The following TMOD1 variants were observed in gnomAD, a reference collection of about 807,000 sequenced individuals.
The protein encoded by TMOD1 is tropomodulin 1, also known as tropomodulin-1.
In TMOD1, 17 loss-of-function variants were observed where a neutral mutation model predicts 40.6. That is an observed-to-expected ratio of 0.42 (90% CI 0.29 to 0.63). TMOD1 has a LOEUF of 0.63. Among genes scored for constraint, TMOD1 ranks in the 20% least tolerant of loss-of-function variants. TMOD1 has a pLI of 0.22. For missense variants in TMOD1, 391 were observed against 447.6 expected (o/e 0.87, Z 1.14); for synonymous variants, 181 against 175.0 (o/e 1.03, Z -0.27).
Position 97,503,967 on chromosome 9 carries a change from G to C in TMOD1, c.-49+2164G>C, listed in dbSNP as rs184009604. Among the ~76,000 whole-genome samples, 48 of 152,300 alleles carry C rather than the reference G, an allele frequency of 3.2e-4. 2 individuals are homozygous for C. The East Asian group carries it at 6.4e-3, about 20-fold the overall frequency. On this transcript the variant is annotated intron_variant, in intron 1 of 9. Transcript: ENST00000259365. Reference sequence around the variant, plus strand: ...GAGTGAGAGACAGTGGCTTTCCCAGGTGCCAAGGGAGGACAGAGGTGGGCA... The same window carrying C: ...GAGTGAGAGACAGTGGCTTTCCCAGCTGCCAAGGGAGGACAGAGGTGGGCA...
At position 97,504,979 on chromosome 9, in the gene TMOD1, A is replaced by G. The variant is rs756366050; in HGVS notation, c.-49+3176A>G. 5.9e-5 allele frequency among the ~76,000 whole-genome samples: 9 copies of G among 152,310 alleles called. No homozygotes were observed. In the South Asian group the frequency reaches 1.9e-3, roughly 32 times the overall value. On this transcript the variant is annotated intron_variant, in intron 1 of 9. Transcript: ENST00000259365. Reference sequence around the variant, plus strand: ...AGGCCTGTTTCTATGGAAAAGCATGAACCAGATAGCACAATTCCGGGCCAT... The same window carrying G: ...AGGCCTGTTTCTATGGAAAAGCATGGACCAGATAGCACAATTCCGGGCCAT...
At position 97,523,796 on chromosome 9, in the gene TMOD1, G is replaced by A. The variant is rs562313497; in HGVS notation, c.-48-345G>A. Among the ~76,000 whole-genome samples the A allele has an allele frequency of 2.0e-5, 3 of 152,282 alleles. 1 individual carries two copies. Among genetic ancestry groups the A allele is most frequent in the African/African-American group, 4.8e-5 (2 of 41,546 alleles). On this transcript the variant is annotated intron_variant, in intron 1 of 9. Transcript: ENST00000259365. ...CAGCATTCATGATTCCCTCTGGGGTGTAGGGTGAAGGGTGGAGAGTTACAC... is the reference window on the plus strand; with the variant it reads ...CAGCATTCATGATTCCCTCTGGGGTATAGGGTGAAGGGTGGAGAGTTACAC...
intron 2 of TMOD1, among the ~76,000 whole-genome samples, chr9:97,527,386 C>A (rs1321092175): frequency 6.6e-6 from 1 of 152,210 alleles, no homozygotes; most frequent in Non-Finnish European, 1.5e-5. Context: ...GGTGGGGACA[C>A]AGGCATAATA....
At chr9:97,531,985 T>C (rs1478472792) in intron 2 of TMOD1, among the ~76,000 whole-genome samples, 3 of 152,146 alleles carry the variant, frequency 2.0e-5, no homozygotes, top group Non-Finnish European at 4.4e-5. Flanking sequence ...TCCACATGGC[T>C]TCCCATCAGA....
chr9:97,531,112 G>A (rs1208702315), intron 2 of TMOD1, among the ~76,000 whole-genome samples: 2 of 141,564 alleles, frequency 1.4e-5, no homozygotes, highest in Admixed American at 1.6e-4. Flanking sequence ...CCTCTGCTAA[G>A]GTGTTCTTAC....
intron 3 of TMOD1, 128 bp downstream of exon 3, chr9:97,546,469 C>A (rs1830362267): frequency 6.2e-6 from 6 of 966,408 alleles, no homozygotes; most frequent in Non-Finnish European, 6.0e-6. Context: ...TCATCCCTGC[C>A]TGGCCAAAAC....
intron 6 of TMOD1, among the ~76,000 whole-genome samples, chr9:97,564,771 G>C (rs1270727732): frequency 2.6e-5 from 4 of 152,046 alleles, no homozygotes; most frequent in Non-Finnish European, 4.4e-5. Flanking sequence ...GTCTCACCCT[G>C]AACAGGCCGC....
At chr9:97,547,997 C>G (rs1353707170) in intron 3 of TMOD1, among the ~76,000 whole-genome samples, 1 of 152,186 alleles carries the variant, frequency 6.6e-6, no homozygotes, top group Non-Finnish European at 1.5e-5. Flanking sequence ...AGAATACCAG[C>G]TACAGGAATG....
chr9:97,558,247 C>T (rs1412860290), intron 4 of TMOD1, among the ~76,000 whole-genome samples: 1 of 152,234 alleles, frequency 6.6e-6, no homozygotes, highest in African/African-American at 2.4e-5. Context: ...TATATGTTAT[C>T]TGTCCTTAGG....
At chr9:97,510,109 T>C (rs750705600) in intron 1 of TMOD1, among the ~76,000 whole-genome samples, 2 of 152,198 alleles carry the variant, frequency 1.3e-5, no homozygotes, top group Admixed American at 6.5e-5. Flanking sequence ...TTTTGGAAAA[T>C]ACAAAAACAT....
intron 1 of TMOD1, among the ~76,000 whole-genome samples, chr9:97,506,755 C>T (rs1452395812): frequency 6.6e-6 from 1 of 152,212 alleles, no homozygotes; most frequent in Non-Finnish European, 1.5e-5. Flanking sequence ...AACTGAAGTG[C>T]TCTCCAGGGT....
At chr9:97,597,991 T>C (rs965996035) in intron 9 of TMOD1, among the ~76,000 whole-genome samples, 14 of 152,028 alleles carry the variant, frequency 9.2e-5, no homozygotes, top group African/African-American at 3.4e-4. Context: ...AAGGCTCAAG[T>C]CTACTGAGGG....
intron 1 of TMOD1, among the ~76,000 whole-genome samples, chr9:97,506,078 T>C (rs1274464394): frequency 1.7e-5 from 2 of 116,594 alleles, no homozygotes; most frequent in Admixed American, 9.2e-5. Flanking sequence ...GGCAAAAGCA[T>C]GCTGTGCCTT....
intron 7 of TMOD1, 142 bp downstream of exon 7, chr9:97,566,097 A>G: frequency 1.6e-6 from 1 of 623,092 alleles, no homozygotes; most frequent in Non-Finnish European, 2.7e-6. Flanking sequence ...AGGAGCCATG[A>G]GGGGTGTAGA....
intron 8 of TMOD1, among the ~76,000 whole-genome samples, chr9:97,573,245 C>T (rs1484562416): frequency 1.3e-5 from 2 of 152,220 alleles, no homozygotes; most frequent in Non-Finnish European, 2.9e-5. Context: ...TTCCCCAGGA[C>T]CCCCAGGGCA....
intron 2 of TMOD1, among the ~76,000 whole-genome samples, chr9:97,528,470 A>G (rs1464914067): frequency 6.6e-6 from 1 of 152,188 alleles, no homozygotes; most frequent in African/African-American, 2.4e-5. Flanking sequence ...AGGATAGGAG[A>G]TAATGGAGGC....
In TMOD1 at chr9:97,562,817, C is replaced by T; in HGVS notation, c.483C>T (p.Leu161=). ...SSSSIMNKEG[L]NSVIKPTQYK... is the part of the protein sequence containing the mutation. ...GCTCCATCATGAACAAGGAGGGGCT[C>T]AACAGTGAGTATGCGCCCGCCCCCA... The change falls in exon 5 of 10, where the codon CTC becomes CTT. Residue 161 remains leucine, a synonymous_variant. Transcript: ENST00000259365. 6.3e-7 allele frequency: 1 copy of T among 1,584,460 alleles called. No individual in the cohort carries two copies. Among genetic ancestry groups the T allele is most frequent in the Non-Finnish European group, 8.6e-7 (1 of 1,168,998 alleles).
chr9:97,569,188 C>T, intron 8 of TMOD1, 151 bp downstream of exon 8: 3 of 892,764 alleles, frequency 3.4e-6, no homozygotes, highest in Non-Finnish European at 3.3e-6. Context: ...AAAGTTCACA[C>T]CCTCTACCAC....
chr9:97,590,116 G>T (rs1483565970), intron 8 of TMOD1, among the ~76,000 whole-genome samples: 1 of 151,422 alleles, frequency 6.6e-6, no homozygotes, highest in Non-Finnish European at 1.5e-5. Context: ...ACATGCTATG[G>T]CCAAGGATTT....
Sources: allele counts gnomAD v4.1 joint callset (sites outside exome capture counted in the v4.1 genomes callset), GRCh38; gene constraint gnomAD v4.1.1; transcripts MANE v1.5; gene names NCBI Gene and HGNC (gene_info 2026-07-23, HGNC 2026-07-21).